Variants in RBFOX1 observed in about 807,000 individuals in gnomAD.
The protein encoded by RBFOX1 is RNA binding fox-1 homolog 1.
Under a neutral mutation model 57.7 loss-of-function variants are expected in RBFOX1, and 8 were observed. That is an observed-to-expected ratio of 0.14 (90% CI 0.08 to 0.25). The LOEUF is 0.25. Ranked by LOEUF, RBFOX1 falls within the 10% of genes least tolerant of loss-of-function variation. The pLI is 1.00. For synonymous variants in RBFOX1, 326 were observed against 222.4 expected, an observed-to-expected ratio of 1.47 and a Z score of -4.15; for missense variants, 611 against 548.5, an observed-to-expected ratio of 1.11 and a Z score of -1.14.
At chr16:5,925,840 A>G (rs1308440187) in intron 4 of RBFOX1, among the ~76,000 whole-genome samples, 1 of 152,158 alleles carries the variant, frequency 6.6e-6, no homozygotes, top group South Asian at 2.1e-4. Context: ...CCAAATAACT[A>G]CCTGGGCCCC....
At chr16:7,518,774 G>C (rs2076932224) in intron 5 of RBFOX1, among the ~76,000 whole-genome samples, 1 of 152,170 alleles carries the variant, frequency 6.6e-6, no homozygotes, top group Admixed American at 6.5e-5. Context: ...TGTGATCCCA[G>C]CACTTTGGGA....
At chr16:5,874,902 C>T (rs943711454) in intron 4 of RBFOX1, among the ~76,000 whole-genome samples, 2 of 152,138 alleles carry the variant, frequency 1.3e-5, no homozygotes, top group African/African-American at 4.8e-5. Context: ...GCTATGATTG[C>T]ACCACTGGAC....
intron 3 of RBFOX1, among the ~76,000 whole-genome samples, chr16:6,755,845 G>A (rs887454842): frequency 6.6e-6 from 1 of 152,056 alleles, no homozygotes; most frequent in African/African-American, 2.4e-5. Context: ...GATTCTTTCA[G>A]AGCTGCCAAA....
At chr16:7,524,232 T>G (rs1400833431) in intron 5 of RBFOX1, among the ~76,000 whole-genome samples, 3 of 152,202 alleles carry the variant, frequency 2.0e-5, no homozygotes. Flanking sequence ...TGCACATGAT[T>G]TAACACAAAG....
rs553790119 is a variant in RBFOX1 at position 5,372,383 on chromosome 16, G to A, written c.220-94833G>A. Among the ~76,000 whole-genome samples the A allele has an allele frequency of 2.0e-5, 3 of 152,330 alleles. No homozygotes were observed. In the East Asian group the frequency reaches 5.8e-4, roughly 29 times the overall value. On this transcript the variant is annotated intron_variant, in intron 1 of 2. Coordinates refer to the RBFOX1 transcript ENST00000585867. The stretch of plus-strand genomic sequence containing the variant: ...TGGGAGTGAGGTCTATGTATTGGGT[G>A]TGTGGATAGAACAGAGAAGATGGAA...
chr16:6,585,366 C>T (rs1252558722), intron 2 of RBFOX1, among the ~76,000 whole-genome samples: 3 of 152,174 alleles, frequency 2.0e-5, no homozygotes, highest in African/African-American at 7.2e-5. Flanking sequence ...GTCTCCAAAA[C>T]TTTGAAATCA....
chr16:6,353,176 T>G (rs1296792566), intron 2 of RBFOX1, among the ~76,000 whole-genome samples: 1 of 152,126 alleles, frequency 6.6e-6, no homozygotes, highest in Admixed American at 6.5e-5. Context: ...CTCCCCATCT[T>G]TCCCAAAGAT....
chr16:5,632,779 A>G (rs942956632), intron 3 of RBFOX1, among the ~76,000 whole-genome samples: 1 of 152,180 alleles, frequency 6.6e-6, no homozygotes, highest in African/African-American at 2.4e-5. Flanking sequence ...GTGGTCATGA[A>G]TGAGCCTTCC....
At chr16:6,545,562 T>C (rs185235151) in intron 2 of RBFOX1, among the ~76,000 whole-genome samples, 13 of 152,298 alleles carry the variant, frequency 8.5e-5, no homozygotes, top group Admixed American at 8.5e-4. Flanking sequence ...GTTTAGACTC[T>C]GCAGAAACGC....
chr16:6,789,725 A>T (rs62016117), intron 3 of RBFOX1, among the ~76,000 whole-genome samples: 1 of 152,000 alleles, frequency 6.6e-6, no homozygotes, highest in Admixed American at 6.6e-5. Flanking sequence ...GAATTTTCAC[A>T]GTAATTTACA....
intron 2 of RBFOX1, among the ~76,000 whole-genome samples, chr16:6,400,171 A>C (rs1216565342): frequency 6.6e-6 from 1 of 152,260 alleles, no homozygotes; most frequent in Admixed American, 6.5e-5. Context: ...TCAAGTGCTC[A>C]TGAAATATCC....
intron 4 of RBFOX1, among the ~76,000 whole-genome samples, chr16:7,226,273 G>C (rs879761159): frequency 6.6e-6 from 1 of 152,158 alleles, no homozygotes; most frequent in Non-Finnish European, 1.5e-5. Context: ...GGATGAATCA[G>C]GCCTCTCATG....
At chr16:6,562,017 T>C (rs974300169) in intron 2 of RBFOX1, among the ~76,000 whole-genome samples, 2 of 151,920 alleles carry the variant, frequency 1.3e-5, no homozygotes, top group Admixed American at 6.6e-5. Flanking sequence ...TATGAGGCCA[T>C]GTTGGTGCTT....
chr16:5,842,303 G>A (rs1278160631), intron 3 of RBFOX1, among the ~76,000 whole-genome samples: 1 of 152,066 alleles, frequency 6.6e-6, no homozygotes, highest in East Asian at 1.9e-4. Context: ...TAACATTGTT[G>A]TTCCCTCCTA....
intron 14 of RBFOX1, among the ~76,000 whole-genome samples, chr16:7,706,378 C>T (rs574904610): frequency 6.6e-6 from 1 of 152,138 alleles, no homozygotes; most frequent in Non-Finnish European, 1.5e-5. Context: ...TTCCTTCTGC[C>T]TTGGAAGAGA....
At chr16:6,914,465 C>G (rs1444798238) in intron 3 of RBFOX1, among the ~76,000 whole-genome samples, 1 of 152,014 alleles carries the variant, frequency 6.6e-6, no homozygotes, top group Non-Finnish European at 1.5e-5. Flanking sequence ...AATAAGAACA[C>G]AGACCTAGGT....
At position 5,454,331 on chromosome 16, in the gene RBFOX1, G is replaced by C. The variant is rs557679666; in HGVS notation, c.220-12885G>C. The stretch of plus-strand genomic sequence containing the variant: ...ACTTAGAGGCATAAAACAACTATCT[G>C]ATTAAACTCTTAGAGTCTGTGGGTC... On this transcript the variant is annotated intron_variant, in intron 1 of 2. Transcript: ENST00000585867. Among the ~76,000 whole-genome samples, 12 of 152,370 alleles carry C rather than the reference G, an allele frequency of 7.9e-5. No homozygotes were observed. The South Asian group carries it at 2.5e-3, about 32-fold the overall frequency.
At chr16:5,514,369 G>T (rs2043713514) in intron 2 of RBFOX1, among the ~76,000 whole-genome samples, 1 of 152,188 alleles carries the variant, frequency 6.6e-6, no homozygotes, top group South Asian at 2.1e-4. Flanking sequence ...AGTGAGAAAG[G>T]AAGTAGCAAG....
chr16:6,223,271 G>A (rs1193666201), intron 1 of RBFOX1, among the ~76,000 whole-genome samples: 4 of 150,946 alleles, frequency 2.6e-5, no homozygotes, highest in Non-Finnish European at 5.9e-5. Context: ...CTGAGGAATC[G>A]CCACACTGAC....
Sources: gnomAD v4.1 joint callset for allele counts (sites outside exome capture counted in the v4.1 genomes callset) on GRCh38, gnomAD v4.1.1 for gene constraint, MANE v1.5 for transcripts, NCBI Gene and HGNC (gene_info 2026-07-23, HGNC 2026-07-21) for gene names.